GHR: variants seen among roughly 807,000 people sequenced by gnomAD.
GHR encodes the protein growth hormone receptor.
In GHR, 35 loss-of-function variants were observed where a neutral mutation model predicts 67.1. That is an observed-to-expected ratio of 0.52 (90% CI 0.40 to 0.69). The LOEUF (loss-of-function observed/expected upper bound fraction) is 0.69. Among genes scored for constraint, GHR ranks in the 30% least tolerant of loss-of-function variants. The probability of loss-of-function intolerance (pLI) is 0.00; values close to 1 mark genes in which losing one functional copy is unlikely to be tolerated. For synonymous variants in GHR, 272 were observed against 269.1 expected (o/e 1.01, Z -0.10); for missense variants, 792 against 764.6 (o/e 1.04, Z -0.42).
chr5:42,533,452 T>C (rs574223298), intron 1 of GHR, among the ~76,000 whole-genome samples: 37 of 152,098 alleles, frequency 2.4e-4, no homozygotes, highest in Non-Finnish European at 3.4e-4. Context: ...TTAACACACG[T>C]GATTTTTAAT....
intron 1 of GHR, among the ~76,000 whole-genome samples, chr5:42,462,436 G>A (rs982470003): frequency 6.6e-6 from 1 of 152,100 alleles, no homozygotes; most frequent in African/African-American, 2.4e-5. Flanking sequence ...AGAGTTGCAA[G>A]GGGAAAACAA....
chr5:42,453,389 T>C (rs534070188), intron 1 of GHR, among the ~76,000 whole-genome samples: 105 of 152,200 alleles, frequency 6.9e-4, no homozygotes, highest in African/African-American at 2.4e-3. Flanking sequence ...CAGGCACCAG[T>C]TGTGGCTAAG....
rs1486511438 is a variant in GHR at position 42,664,110 on chromosome 5, A to T, written c.137-24780A>T. The stretch of plus-strand genomic sequence containing the variant: ...AATAAAAGAGGATACAAAGAAATGG[A>T]AGAACATTCCATGCTCATGGATAGG... On this transcript the variant is annotated intron_variant, in intron 3 of 9. Transcript: ENST00000230882. 4.6e-5 allele frequency among the ~76,000 whole-genome samples: 7 copies of T among 152,344 alleles called. No individual in the cohort carries two copies. In the East Asian group the frequency reaches 1.4e-3, roughly 29 times the overall value.
rs377745444 is a variant in GHR, at chr5:42,520,188, G to A, written c.-11-45676G>A. Among the ~76,000 whole-genome samples the A allele has an allele frequency of 2.2e-4, 33 of 152,278 alleles. No individual in the cohort carries two copies. In the South Asian group the frequency reaches 6.2e-3, roughly 29 times the overall value. ...TGCCTGGCCCTGTGTTAGGTACTGA[G>A]AAGAGATCAATTAGACAGTTTCTGC... On this transcript the variant is annotated intron_variant, in intron 1 of 9. Coordinates refer to ENST00000230882, the MANE Select transcript of GHR (RefSeq NM_000163.5).
chr5:42,578,018 T>C (rs1254184837), intron 2 of GHR, among the ~76,000 whole-genome samples: 1 of 152,174 alleles, frequency 6.6e-6, no homozygotes, highest in Non-Finnish European at 1.5e-5. Flanking sequence ...ACAATAGTTT[T>C]CAGAAAGCAA....
chr5:42,468,451 C>G (rs1430818068), intron 1 of GHR: 22 of 886,202 alleles, frequency 2.5e-5, no homozygotes, highest in Non-Finnish European at 3.8e-5. Flanking sequence ...GTATTGCCTA[C>G]GTGCGCAGCT....
chr5:42,697,215 C>T (rs1424954552), intron 5 of GHR, among the ~76,000 whole-genome samples: 1 of 152,164 alleles, frequency 6.6e-6, no homozygotes, highest in Non-Finnish European at 1.5e-5. Flanking sequence ...ATGGTACTAC[C>T]TCACAGGGCT....
chr5:42,569,596 AGT>A (rs144197677), intron 2 of GHR, among the ~76,000 whole-genome samples: 2 of 152,074 alleles, frequency 1.3e-5, no homozygotes, highest in African/African-American at 4.8e-5. Flanking sequence ...ATGATGGAAT[AGT>A]GTGTGTGTGT....
intron 1 of GHR, among the ~76,000 whole-genome samples, chr5:42,517,731 GTAT>G (rs1371416431): frequency 6.6e-6 from 1 of 151,152 alleles, no homozygotes; most frequent in Non-Finnish European, 1.5e-5. Flanking sequence ...TTCTTAAGTG[GTAT>G]TATTCATTCA....
intron 1 of GHR, among the ~76,000 whole-genome samples, chr5:42,544,527 C>T (rs1437546830): frequency 2.0e-5 from 3 of 152,078 alleles, no homozygotes; most frequent in Admixed American, 6.6e-5. Context: ...GTGAATCAAC[C>T]ATTAGGCAAA....
At position 42,423,534 on chromosome 5, in the gene GHR, G is replaced by T. The variant is rs768401209; in HGVS notation, c.-433G>T. 3.3e-5 allele frequency among the ~76,000 whole-genome samples: 5 copies of T among 152,164 alleles called. No individual in the cohort carries two copies. Among genetic ancestry groups the T allele is most frequent in the Non-Finnish European group, 7.3e-5 (5 of 68,034 alleles). On this transcript the variant is annotated 5_prime_UTR_variant, in exon 1 of 10. Coordinates refer to ENST00000230882, the MANE Select transcript of GHR (RefSeq NM_000163.5). ...GGCCCGGGCGGCACTCGGCCTCTCC[G>T]CAGCAGTTCTCGAACTGGCCTCCTT...
At chr5:42,477,841 C>G (rs1236936821) in intron 1 of GHR, among the ~76,000 whole-genome samples, 2 of 152,114 alleles carry the variant, frequency 1.3e-5, no homozygotes, top group African/African-American at 4.8e-5. Context: ...GTTGCCTGTT[C>G]ACTCTGATGG....
intron 3 of GHR, among the ~76,000 whole-genome samples, chr5:42,653,757 T>C (rs1755119704): frequency 1.3e-5 from 2 of 152,138 alleles, no homozygotes; most frequent in Non-Finnish European, 2.9e-5. Flanking sequence ...AAGCCTTCTC[T>C]GTCCATGGAA....
intron 1 of GHR, among the ~76,000 whole-genome samples, chr5:42,459,053 G>A (rs1161315271): frequency 6.6e-6 from 1 of 152,148 alleles, no homozygotes; most frequent in Non-Finnish European, 1.5e-5. Context: ...ATACACTGCT[G>A]GTGGGAATGT....
At chr5:42,467,796 A>G in intron 1 of GHR, 2 of 1,470,084 alleles carry the variant, frequency 1.4e-6, no homozygotes, top group Non-Finnish European at 1.9e-6. Flanking sequence ...CACACATGCT[A>G]CAATGTAAAA....
intron 3 of GHR, among the ~76,000 whole-genome samples, chr5:42,641,272 T>C (rs1754462941): frequency 6.6e-6 from 1 of 152,154 alleles, no homozygotes; most frequent in African/African-American, 2.4e-5. Flanking sequence ...AGCTCTTTTC[T>C]CTAAGCTTTA....
At chr5:42,677,558 A>G (rs1273011800) in intron 3 of GHR, among the ~76,000 whole-genome samples, 3 of 152,168 alleles carry the variant, frequency 2.0e-5, no homozygotes, top group Non-Finnish European at 4.4e-5. Flanking sequence ...AACCACAGAA[A>G]ATCACCTCTG....
At chr5:42,622,046 C>T (rs1753472384) in intron 2 of GHR, among the ~76,000 whole-genome samples, 1 of 152,174 alleles carries the variant, frequency 6.6e-6, no homozygotes, top group Admixed American at 6.5e-5. Flanking sequence ...AGAAATGTCA[C>T]TGCACTCAGG....
At chr5:42,710,814 CAT>C (rs1049015912) in intron 6 of GHR, among the ~76,000 whole-genome samples, 1 of 152,096 alleles carries the variant, frequency 6.6e-6, no homozygotes, top group African/African-American at 2.4e-5. Context: ...GGTGTGAAAA[CAT>C]GTTTGCTTTT....
Sources: allele counts gnomAD v4.1 joint callset (sites outside exome capture counted in the v4.1 genomes callset), GRCh38; gene constraint gnomAD v4.1.1; transcripts MANE v1.5; gene names NCBI Gene and HGNC (gene_info 2026-07-23, HGNC 2026-07-21).